Variants in PPM1L observed in about 807,000 individuals in gnomAD.
The protein encoded by PPM1L is protein phosphatase 1L.
Under a neutral mutation model 31.4 loss-of-function variants are expected in PPM1L, and 13 were observed. The ratio of observed to expected loss-of-function variants is 0.41; its 90% CI spans 0.27 to 0.66. The LOEUF (loss-of-function observed/expected upper bound fraction) is 0.66. Ranked by LOEUF, PPM1L falls within the 30% of genes least tolerant of loss-of-function variation. PPM1L has a pLI of 0.29. For synonymous variants in PPM1L, 184 were observed against 175.4 expected, an observed-to-expected ratio of 1.05 and a Z score of -0.39; for missense variants, 326 against 453.7, an observed-to-expected ratio of 0.72 and a Z score of 2.56.
At chr3:160,900,171 C>T (rs1713491365) in intron 1 of PPM1L, among the ~76,000 whole-genome samples, 1 of 152,028 alleles carries the variant, frequency 6.6e-6, no homozygotes, top group African/African-American at 2.4e-5. Flanking sequence ...GTTTATATAA[C>T]AGATAAATTG....
At chr3:161,038,165 C>T (rs996231476) in intron 2 of PPM1L, among the ~76,000 whole-genome samples, 4 of 138,298 alleles carry the variant, frequency 2.9e-5, no homozygotes, top group Non-Finnish European at 6.0e-5. Context: ...ACCCGGGAGG[C>T]GGAGCTTGCA....
intron 2 of PPM1L, among the ~76,000 whole-genome samples, chr3:161,037,793 A>G (rs1576798882): frequency 6.6e-6 from 1 of 152,036 alleles, no homozygotes; most frequent in East Asian, 1.9e-4. Flanking sequence ...ATCCTGAGGC[A>G]CAACCACCCT....
intron 1 of PPM1L, among the ~76,000 whole-genome samples, chr3:160,895,425 C>T (rs148949344): frequency 0.011 from 1,643 of 151,982 alleles, 13 homozygotes; most frequent in Non-Finnish European, 0.019. Context: ...GCTATATTGC[C>T]CAGGCTGGTC....
At position 160,877,122 on chromosome 3, in the gene PPM1L, T is replaced by A. The variant is rs142899118; in HGVS notation, c.400-84614T>A. Among the ~76,000 whole-genome samples, 518 of 152,374 alleles carry A rather than the reference T, an allele frequency of 3.4e-3. 1 individual carries two copies. The highest frequency in any genetic ancestry group is 0.024 in the Middle Eastern group (7 of 294). On this transcript the variant is annotated intron_variant, in intron 1 of 3. Transcript: ENST00000498165. ...GTGTTTCATTGCAGAGACCTAGATT[T>A]AATTTGAATACTCTTCAAAGGTCTA...
chr3:161,031,417 G>C (rs1250762393), intron 2 of PPM1L, among the ~76,000 whole-genome samples: 1 of 151,654 alleles, frequency 6.6e-6, no homozygotes, highest in East Asian at 1.9e-4. Flanking sequence ...TAGGTTGTCT[G>C]ACTCCAAAGC....
rs185416319 is a variant in PPM1L at position 160,891,671 on chromosome 3, C to T, written c.400-70065C>T. 1.1e-3 allele frequency among the ~76,000 whole-genome samples: 171 copies of T among 152,258 alleles called. 1 individual carries two copies. In the East Asian group the frequency reaches 0.019, roughly 17 times the overall value. ...GGTATATACCCAAAGGAATATTAAT[C>T]ATTCTACTATAAAGACACATGCACA... On this transcript the variant is annotated intron_variant, in intron 1 of 3. Coordinates refer to ENST00000498165, the MANE Select transcript of PPM1L (RefSeq NM_139245.4).
At chr3:160,918,700 C>CT (rs1451295182) in intron 1 of PPM1L, among the ~76,000 whole-genome samples, 6 of 152,084 alleles carry the variant, frequency 3.9e-5, no homozygotes, top group African/African-American at 1.4e-4. Context: ...GCAAGTGATA[C>CT]TTTAAGAACC....
intron 2 of PPM1L, among the ~76,000 whole-genome samples, chr3:161,037,725 C>T (rs1718788007): frequency 1.3e-5 from 2 of 151,188 alleles, no homozygotes; most frequent in South Asian, 4.2e-4. Context: ...AGCCACTGTA[C>T]CCAGCCCCTA....
At chr3:160,955,804 C>G (rs1382194480) in intron 1 of PPM1L, among the ~76,000 whole-genome samples, 2 of 151,650 alleles carry the variant, frequency 1.3e-5, no homozygotes, top group African/African-American at 2.4e-5. Flanking sequence ...GTGCCCGCCA[C>G]CACGTCCGGA....
intron 2 of PPM1L, among the ~76,000 whole-genome samples, chr3:160,965,907 A>G (rs1716127290): frequency 6.6e-6 from 1 of 152,230 alleles, no homozygotes; most frequent in Non-Finnish European, 1.5e-5. Context: ...CTAAACTTCT[A>G]TTAATAAAAA....
chr3:161,067,732 T>C (rs556310135), intron 3 of PPM1L, among the ~76,000 whole-genome samples: 2 of 152,154 alleles, frequency 1.3e-5, no homozygotes, highest in African/African-American at 4.8e-5. Context: ...CAGGACTGGG[T>C]TTTATGCTCT....
intron 1 of PPM1L, among the ~76,000 whole-genome samples, chr3:160,812,594 A>T (rs987800983): frequency 6.6e-6 from 1 of 151,876 alleles, no homozygotes; most frequent in African/African-American, 2.4e-5. Flanking sequence ...TTTTAATAGA[A>T]AACGTTTAAT....
chr3:160,763,413 A>G (rs938328860), intron 1 of PPM1L, among the ~76,000 whole-genome samples: 15 of 152,222 alleles, frequency 9.9e-5, no homozygotes, highest in African/African-American at 2.4e-5. Context: ...AATAAAACTG[A>G]TATTTTTCTA....
intron 1 of PPM1L, among the ~76,000 whole-genome samples, chr3:160,881,804 C>T (rs1470950808): frequency 2.0e-5 from 3 of 152,200 alleles, no homozygotes; most frequent in Non-Finnish European, 4.4e-5. Context: ...GTAATCCCAG[C>T]ACTTTGGGAG....
At chr3:160,978,575 C>T (rs1716686135) in intron 2 of PPM1L, among the ~76,000 whole-genome samples, 1 of 152,158 alleles carries the variant, frequency 6.6e-6, no homozygotes, top group African/African-American at 2.4e-5. Flanking sequence ...CATGCCTGTA[C>T]TACCAACACT....
rs780094386 is a variant in PPM1L, at chr3:160,756,506, C to A, written c.198C>A (p.Ile66=). Residue 66 remains isoleucine (I), a synonymous_variant, in exon 1 of 4, where the codon ATC becomes ATA. Coordinates refer to ENST00000498165, the MANE Select transcript of PPM1L (RefSeq NM_139245.4). The surrounding 1 kb of genome is among the most constrained non-coding windows in gnomAD (Gnocchi z 6.2). ...VKMVKGKVAE[I]MQNDRLGGLD... is the part of the protein sequence containing the mutation. The stretch of plus-strand genomic sequence containing the variant: ...TGGTGAAGGGCAAGGTAGCCGAGAT[C>A]ATGCAGAACGATCGACTCGGGGGGC... The A allele has an allele frequency of 4.8e-5, 77 of 1,614,062 alleles. No individual in the cohort carries two copies. The highest frequency in any genetic ancestry group is 6.4e-5 in the Non-Finnish European group (75 of 1,180,044).
rs1720020528 is a variant in PPM1L, at chr3:161,073,898, G to T, written c.*4741G>T. 1.3e-5 allele frequency: 2 copies of T among 152,260 alleles called. No individual in the cohort carries two copies. The highest frequency in any genetic ancestry group is 4.1e-4 in the South Asian group (2 of 4,824). The allele number at this position is 152,260 out of a possible 1,614,324, so 9.4% of individuals were successfully genotyped here. ...TATATGAATAATGAGCAAGAGCCCT[G>T]CCATAGCTAAATATGTCTCAAATTC... On this transcript the variant is annotated 3_prime_UTR_variant, in exon 4 of 4. Transcript: ENST00000498165.
At chr3:160,789,836 G>A (rs1481797565) in intron 1 of PPM1L, among the ~76,000 whole-genome samples, 1 of 151,752 alleles carries the variant, frequency 6.6e-6, no homozygotes, top group Non-Finnish European at 1.5e-5. Context: ...TCTTCCCTTG[G>A]TATCTGCAGG....
At chr3:160,972,477 G>C (rs1318345003) in intron 2 of PPM1L, among the ~76,000 whole-genome samples, 4 of 151,590 alleles carry the variant, frequency 2.6e-5, no homozygotes, top group Non-Finnish European at 1.5e-5. Context: ...GCGATAGTTT[G>C]CTGAGAATAA....
Sources: allele counts gnomAD v4.1 joint callset (sites outside exome capture counted in the v4.1 genomes callset), GRCh38; gene constraint gnomAD v4.1.1; non-coding constraint Gnocchi (gnomAD v3.1); transcripts MANE v1.5; gene names NCBI Gene and HGNC (gene_info 2026-07-23, HGNC 2026-07-21).